Variants in LRRC37A observed in about 807,000 individuals in gnomAD.
LRRC37A encodes the protein leucine-rich repeat-containing protein 37A.
In LRRC37A, 3 loss-of-function variants were observed where a neutral mutation model predicts 35.4. That is an observed-to-expected ratio of 0.08 (90% CI 0.04 to 0.22). LRRC37A has a LOEUF of 0.22. Among genes scored for constraint, LRRC37A ranks in the 10% least tolerant of loss-of-function variants. The pLI, the probability that LRRC37A is intolerant of heterozygous loss-of-function variation, is 1.00. For synonymous variants in LRRC37A, 23 were observed against 215.0 expected, an observed-to-expected ratio of 0.11 and a Z score of 7.81; for missense variants, 67 against 565.3, an observed-to-expected ratio of 0.12 and a Z score of 8.94.
the LRRC37A span, among the ~76,000 whole-genome samples, chr17:46,249,805 C>T: frequency 1.3e-5 from 2 of 152,166 alleles, no homozygotes; most frequent in African/African-American, 4.8e-5. Context: ...CAGTCAGCGC[C>T]TCTGATTGTT....
At chr17:46,257,786 C>T in the LRRC37A span, among the ~76,000 whole-genome samples, 1 of 150,864 alleles carries the variant, frequency 6.6e-6, no homozygotes. Flanking sequence ...CATACCACTG[C>T]ACTCCAGCCT....
At chr17:46,254,778 T>C in the LRRC37A span, among the ~76,000 whole-genome samples, 6 of 151,712 alleles carry the variant, frequency 4.0e-5, no homozygotes, top group Admixed American at 6.6e-5. Flanking sequence ...GACCTTGTGA[T>C]CCGCCTGCCT....
upstream of LRRC37A, among the ~76,000 whole-genome samples, chr17:46,288,144 T>G (rs1156428568): frequency 6.7e-6 from 1 of 148,946 alleles, no homozygotes; most frequent in African/African-American, 2.4e-5. Context: ...TAGTTTATCC[T>G]GTTACCACTA....
chr17:46,299,596 G>A (rs1289792923), intron 1 of LRRC37A, 198 bp from the exon 2 acceptor site: 1 of 10,804 alleles, frequency 9.3e-5, no homozygotes, highest in Admixed American at 6.7e-4. Context: ...TCCAGGAGAT[G>A]CCTCATCATT....
At chr17:46,307,784 G>A (rs2050617824) in intron 5 of LRRC37A, among the ~76,000 whole-genome samples, 1 of 79,172 alleles carries the variant, frequency 1.3e-5, no homozygotes, top group African/African-American at 3.1e-5. Context: ...TTGCTGAGGT[G>A]GGTGGATCAC....
the LRRC37A span, among the ~76,000 whole-genome samples, chr17:46,263,135 T>A: frequency 6.6e-6 from 1 of 151,836 alleles, no homozygotes; most frequent in Admixed American, 6.6e-5. Context: ...ATCACCTGAG[T>A]CCCGCGAGGT....
chr17:46,252,540 C>T, the LRRC37A span, among the ~76,000 whole-genome samples: 1 of 148,986 alleles, frequency 6.7e-6, no homozygotes, highest in Non-Finnish European at 1.5e-5. Context: ...GTCTTTGTGT[C>T]CCTGGGTACT....
chr17:46,249,415 AT>A, the LRRC37A span, among the ~76,000 whole-genome samples: 1 of 152,202 alleles, frequency 6.6e-6, no homozygotes, highest in African/African-American at 2.4e-5. Context: ...TCATAGGCAA[AT>A]TTAAGGAGCA....
the LRRC37A span, chr17:46,260,339 G>A: frequency 6.4e-5 from 97 of 1,519,116 alleles, 1 homozygote; most frequent in Admixed American, 8.4e-4. Context: ...GGTTCAGGCC[G>A]CTGAAGGTCA....
the LRRC37A span, among the ~76,000 whole-genome samples, chr17:46,269,430 G>T: frequency 6.6e-6 from 1 of 152,212 alleles, no homozygotes. Context: ...GCTGAGGGAG[G>T]CTGAGGCAGG....
chr17:46,274,226 C>A, the LRRC37A span, among the ~76,000 whole-genome samples: 1 of 152,234 alleles, frequency 6.6e-6, no homozygotes, highest in African/African-American at 2.4e-5. Flanking sequence ...TTTTGTTTCA[C>A]ATACATCCAT....
At chr17:46,278,637 C>T in the LRRC37A span, among the ~76,000 whole-genome samples, 38 of 151,828 alleles carry the variant, frequency 2.5e-4, no homozygotes, top group African/African-American at 8.7e-4. Flanking sequence ...CTCCTGACCT[C>T]GTGATACACC....
At position 46,306,041 on chromosome 17, in the gene LRRC37A, T is replaced by G. The variant is rs2050549905; in HGVS notation, c.2826-188T>G. ...TATTTACTGAACATTCACTGTTTTG[T>G]ATCTAATGCACCACGTGTGCAGTGT... On this transcript the variant is annotated intron_variant, in intron 4 of 13. Transcript: ENST00000320254. 2.4e-5 allele frequency among the ~76,000 whole-genome samples: 2 copies of G among 81,886 alleles called. 1 individual carries two copies. The highest frequency in any genetic ancestry group is 1.1e-3 in the South Asian group (2 of 1,874). 53.7% of individuals were successfully genotyped at this position (81,886 alleles called of 152,430 possible). A position where few individuals can be genotyped will look rare whatever the true frequency, so the allele number is the denominator to read the frequency against.
chr17:46,278,648 C>T, the LRRC37A span, among the ~76,000 whole-genome samples: 5 of 152,098 alleles, frequency 3.3e-5, no homozygotes, highest in African/African-American at 4.8e-5. Flanking sequence ...GTGATACACC[C>T]GCCTCGGCCT....
At chr17:46,250,824 T>C in the LRRC37A span, among the ~76,000 whole-genome samples, 1 of 151,862 alleles carries the variant, frequency 6.6e-6, no homozygotes, top group Non-Finnish European at 1.5e-5. Flanking sequence ...AGCCCCAGAG[T>C]CTTCTTCTTC....
At chr17:46,271,844 C>T in the LRRC37A span, among the ~76,000 whole-genome samples, 2 of 152,250 alleles carry the variant, frequency 1.3e-5, no homozygotes, top group South Asian at 4.1e-4. Context: ...TCACTACAAC[C>T]TCTGCCTCCC....
the LRRC37A span, among the ~76,000 whole-genome samples, chr17:46,278,236 A>G: frequency 0.14 from 21,252 of 151,550 alleles, 1,642 homozygotes; most frequent in Non-Finnish European, 0.21. Context: ...ATAAGCCACC[A>G]TGCCCAGCCT....
chr17:46,321,357 GAAAA>G (rs763727306), intron 5 of LRRC37A, among the ~76,000 whole-genome samples: 2 of 31,356 alleles, frequency 6.4e-5, no homozygotes, highest in Non-Finnish European at 8.7e-5. Context: ...CTCCGTCTCA[GAAAA>G]AAAAAAAAAA....
At chr17:46,261,945 AATT>A in the LRRC37A span, among the ~76,000 whole-genome samples, 8 of 152,040 alleles carry the variant, frequency 5.3e-5, no homozygotes, top group South Asian at 2.1e-4. Context: ...TCCTAAAGAC[AATT>A]ATTATTATTA....
Sources: gnomAD v4.1 joint callset for allele counts (sites outside exome capture counted in the v4.1 genomes callset) on GRCh38, gnomAD v4.1.1 for gene constraint, MANE v1.5 for transcripts, NCBI Gene and HGNC (gene_info 2026-07-23, HGNC 2026-07-21) for gene names.